The following KIAA1328 variants were observed in gnomAD, a reference collection of about 807,000 sequenced individuals.
KIAA1328 encodes KIAA1328.
Under a neutral mutation model 68.1 loss-of-function variants are expected in KIAA1328, and 52 were observed. The ratio of observed to expected loss-of-function variants is 0.76; its 90% CI spans 0.61 to 0.96. The LOEUF is 0.96. Ranked by LOEUF, KIAA1328 falls within the 40% of genes least tolerant of loss-of-function variation. The pLI, the probability that KIAA1328 is intolerant of heterozygous loss-of-function variation, is 0.00. For missense variants in KIAA1328, 641 were observed against 677.6 expected (o/e 0.95, Z 0.60); for synonymous variants, 232 against 239.4 (o/e 0.97, Z 0.28).
chr18:36,858,612 A>G (rs2047456551), intron 4 of KIAA1328, among the ~76,000 whole-genome samples: 1 of 152,156 alleles, frequency 6.6e-6, no homozygotes, highest in Non-Finnish European at 1.5e-5. Context: ...GCCACATTGC[A>G]TTTAGTTGTC....
In KIAA1328 at chr18:37,047,167, A is replaced by G. The variant is rs1463229436; in HGVS notation, c.577-19723A>G. Among the ~76,000 whole-genome samples, 5 of 152,336 alleles carry G rather than the reference A, an allele frequency of 3.3e-5. No homozygotes were observed. The East Asian group carries it at 7.7e-4, about 24-fold the overall frequency. On this transcript the variant is annotated intron_variant, in intron 6 of 9. Coordinates refer to ENST00000280020, the MANE Select transcript of KIAA1328 (RefSeq NM_020776.3). ...CTCCTGAATCTCCAAAGATTGTTCA[A>G]TATAACTTGCAGATTGGAACATTTT... is the stretch of plus-strand genomic sequence containing the variant.
At position 37,063,577 on chromosome 18, in the gene KIAA1328, G is replaced by A. The variant is rs1023535291; in HGVS notation, c.577-3313G>A. 2.4e-5 allele frequency: 23 copies of A among 942,718 alleles called. No homozygotes were observed. The East Asian group carries it at 2.3e-3, about 95-fold the overall frequency. The allele number at this position is 942,718 out of a possible 1,614,324, so 58.4% of individuals were successfully genotyped here. ...AAAAGTTGCGTACACTAGGGGGTGAGAATCACGGGGAGCATCTTAGAATTC... is the reference window on the plus strand; with the variant it reads ...AAAAGTTGCGTACACTAGGGGGTGAAAATCACGGGGAGCATCTTAGAATTC... On this transcript the variant is annotated intron_variant, in intron 6 of 9. Coordinates refer to ENST00000280020, the MANE Select transcript of KIAA1328 (RefSeq NM_020776.3).
intron 5 of KIAA1328, among the ~76,000 whole-genome samples, chr18:36,891,973 G>A (rs1270976547): frequency 6.6e-6 from 1 of 152,190 alleles, no homozygotes; most frequent in Non-Finnish European, 1.5e-5. Flanking sequence ...CTGAAAATAG[G>A]TAAGAGAAAA....
intron 6 of KIAA1328, among the ~76,000 whole-genome samples, chr18:36,988,117 G>C (rs1294225768): frequency 6.6e-6 from 1 of 152,058 alleles, no homozygotes; most frequent in Non-Finnish European, 1.5e-5. Flanking sequence ...GTCACTCTTA[G>C]TATTTTGAAA....
chr18:37,072,495 C>G (rs2056571051), intron 7 of KIAA1328, among the ~76,000 whole-genome samples: 1 of 151,968 alleles, frequency 6.6e-6, no homozygotes, highest in Non-Finnish European at 1.5e-5. Flanking sequence ...CCTATAAGGA[C>G]TTTGATCAGC....
intron 7 of KIAA1328, among the ~76,000 whole-genome samples, chr18:37,087,054 G>GT (rs2057126109): frequency 6.6e-6 from 1 of 151,922 alleles, no homozygotes; most frequent in East Asian, 1.9e-4. Context: ...TTCATATCAG[G>GT]TTTTTTTGTT....
chr18:36,910,170 G>T (rs1214689650), intron 5 of KIAA1328, among the ~76,000 whole-genome samples: 2 of 151,968 alleles, frequency 1.3e-5, no homozygotes, highest in African/African-American at 2.4e-5. Context: ...CGTTGCTTTT[G>T]GTGTTTTCGA....
intron 5 of KIAA1328, among the ~76,000 whole-genome samples, chr18:36,958,215 T>C (rs2051503974): frequency 1.3e-5 from 2 of 152,302 alleles, no homozygotes; most frequent in South Asian, 4.1e-4. Context: ...ACATTGACAT[T>C]GTTTTTACTT....
intron 6 of KIAA1328, among the ~76,000 whole-genome samples, chr18:36,993,761 GA>G (rs1568266165): frequency 6.6e-6 from 1 of 152,106 alleles, no homozygotes; most frequent in Non-Finnish European, 1.5e-5. Context: ...ACCGAAGAAA[GA>G]AAAGTCTAAT....
chr18:37,109,112 C>T (rs2057857509), intron 7 of KIAA1328, among the ~76,000 whole-genome samples: 1 of 152,210 alleles, frequency 6.6e-6, no homozygotes, highest in African/African-American at 2.4e-5. Flanking sequence ...ATGAACTCAT[C>T]CTTTTTTATG....
intron 7 of KIAA1328, among the ~76,000 whole-genome samples, chr18:37,131,727 G>T (rs1462013401): frequency 6.6e-6 from 1 of 151,808 alleles, no homozygotes; most frequent in Non-Finnish European, 1.5e-5. Flanking sequence ...AACATTATAT[G>T]AGGAAAAAAA....
intron 5 of KIAA1328, among the ~76,000 whole-genome samples, chr18:36,943,881 G>A (rs2050799626): frequency 6.6e-6 from 1 of 152,050 alleles, no homozygotes; most frequent in African/African-American, 2.4e-5. Context: ...ATTATTCTCT[G>A]GTAAAGTAAA....
At chr18:37,104,545 A>G (rs1235144712) in intron 7 of KIAA1328, among the ~76,000 whole-genome samples, 1 of 152,172 alleles carries the variant, frequency 6.6e-6, no homozygotes, top group Non-Finnish European at 1.5e-5. Flanking sequence ...ATGAATGGGT[A>G]CAAACACACA....
At chr18:37,071,693 G>A (rs1204905336) in intron 7 of KIAA1328, among the ~76,000 whole-genome samples, 1 of 152,136 alleles carries the variant, frequency 6.6e-6, no homozygotes, top group Non-Finnish European at 1.5e-5. Flanking sequence ...ATACCCTGAG[G>A]ATACCAAGGA....
chr18:37,059,369 G>A (rs2056056761), intron 6 of KIAA1328, among the ~76,000 whole-genome samples: 1 of 152,144 alleles, frequency 6.6e-6, no homozygotes, highest in Non-Finnish European at 1.5e-5. Context: ...CCATCAAAAA[G>A]TGGGCAAAGG....
At chr18:36,844,438 C>A in intron 4 of KIAA1328, 136 bp downstream of exon 4, 1 of 504,790 alleles carries the variant, frequency 2.0e-6, no homozygotes, top group Non-Finnish European at 3.4e-6. Context: ...AAAAGACATT[C>A]TGTGATGTCA....
chr18:37,129,612 C>G (rs1277125747), intron 7 of KIAA1328, among the ~76,000 whole-genome samples: 1 of 152,138 alleles, frequency 6.6e-6, no homozygotes, highest in Non-Finnish European at 1.5e-5. Context: ...TGATTTCTTT[C>G]TTCCGGTGGA....
chr18:37,027,394 G>A (rs1029997288), intron 6 of KIAA1328, among the ~76,000 whole-genome samples: 3 of 152,144 alleles, frequency 2.0e-5, no homozygotes, highest in Non-Finnish European at 4.4e-5. Context: ...GAACCAAAAA[G>A]AGCCCACATT....
At chr18:37,230,588 T>G (rs2060660063), downstream of KIAA1328, 1 of 152,206 alleles carries the variant, frequency 6.6e-6, no homozygotes, top group Non-Finnish European at 1.5e-5. Context: ...TCCTGGCACG[T>G]TATAGGCTCC....
Sources: allele counts gnomAD v4.1 joint callset (sites outside exome capture counted in the v4.1 genomes callset), GRCh38; gene constraint gnomAD v4.1.1; transcripts MANE v1.5; gene names NCBI Gene and HGNC (gene_info 2026-07-23, HGNC 2026-07-21).